The following DIAPH2 variants were observed in gnomAD, a reference collection of about 807,000 sequenced individuals.
DIAPH2 encodes the protein diaphanous related formin 2, also known as protein diaphanous homolog 2.
DIAPH2 carries 35 observed loss-of-function variants against 92.7 expected under a neutral mutation model. The ratio of observed to expected loss-of-function variants is 0.38; its 90% CI spans 0.29 to 0.50. The LOEUF is 0.50. Ranked by LOEUF, DIAPH2 falls within the 20% of genes least tolerant of loss-of-function variation. The pLI is 0.94. For missense variants in DIAPH2, 701 were observed against 819.5 expected (o/e 0.86, Z 1.77); for synonymous variants, 301 against 280.4 (o/e 1.07, Z -0.73).
chrX:97,048,344 A>G lies in DIAPH2; in HGVS notation c.2051-24597A>G, dbSNP rs149535901. Among the ~76,000 whole-genome samples the G allele has an allele frequency of 9.0e-5, 10 of 111,021 alleles. No homozygotes were observed. In the East Asian group the frequency reaches 2.8e-3, roughly 32 times the overall value. ...TGACATCAACAATTTGAGAAATATA[A>G]ATCTCCTTTTTAGAAACATAGCATT... On this transcript the variant is annotated intron_variant, in intron 17 of 26. Coordinates refer to ENST00000324765, the MANE Select transcript of DIAPH2 (RefSeq NM_006729.5).
At chrX:96,992,953 C>A (rs947881592) in intron 17 of DIAPH2, among the ~76,000 whole-genome samples, 1 of 112,451 alleles carries the variant, frequency 8.9e-6, no homozygotes, top group Admixed American at 9.4e-5. Context: ...TGGTGGGATA[C>A]AAACAAGTTA....
chrX:97,207,109 C>G (rs945559135), intron 22 of DIAPH2, among the ~76,000 whole-genome samples: 1 of 111,415 alleles, frequency 9.0e-6, no homozygotes, highest in African/African-American at 3.3e-5. Context: ...TCTTTCTAAT[C>G]AATCCTTTGT....
At chrX:97,357,656 A>G (rs2069280724) in intron 24 of DIAPH2, among the ~76,000 whole-genome samples, 1 of 111,826 alleles carries the variant, frequency 8.9e-6, no homozygotes, top group African/African-American at 3.2e-5. Context: ...TGTGGGTCAA[A>G]CACAGTGCTG....
Position 97,390,711 on chromosome X carries a change from A to G in DIAPH2, c.3145+6667A>G, listed in dbSNP as rs757028170. Among the ~76,000 whole-genome samples, 15 of 109,832 alleles carry G rather than the reference A, an allele frequency of 1.4e-4. No individual in the cohort carries two copies. In the South Asian group the frequency reaches 5.8e-3, roughly 42 times the overall value. ...CCACGCCCGGCCTTGGCCTATTTTC[A>G]TTTCTTTCTCTCCTTTCTTCCCTGA... is the stretch of plus-strand genomic sequence containing the variant. On this transcript the variant is annotated intron_variant, in intron 25 of 26. Coordinates refer to ENST00000324765, the MANE Select transcript of DIAPH2 (RefSeq NM_006729.5).
chrX:96,773,293 T>C (rs1396425023), intron 4 of DIAPH2, among the ~76,000 whole-genome samples: 1 of 75,924 alleles, frequency 1.3e-5, no homozygotes, highest in African/African-American at 5.5e-5. Flanking sequence ...CATATCAGAA[T>C]GTGACTGTGT....
intron 3 of DIAPH2, among the ~76,000 whole-genome samples, chrX:96,756,066 A>G (rs1026414693): frequency 1.8e-5 from 2 of 111,334 alleles, no homozygotes; most frequent in Admixed American, 1.9e-4. Context: ...AGGTCTTGCT[A>G]TGTTGCCCAG....
chrX:97,335,064 C>G (rs1447454618), intron 23 of DIAPH2, among the ~76,000 whole-genome samples: 1 of 91,753 alleles, frequency 1.1e-5, no homozygotes, highest in Non-Finnish European at 2.2e-5. Context: ...ACAGTTTTGT[C>G]TGAATCCACC....
intron 4 of DIAPH2, among the ~76,000 whole-genome samples, chrX:96,865,416 A>G (rs1237541827): frequency 8.9e-6 from 1 of 112,252 alleles, no homozygotes; most frequent in African/African-American, 3.2e-5. Context: ...GATGGGAAGG[A>G]GACAACCATG....
chrX:96,899,635 A>G (rs1602611429), intron 5 of DIAPH2, among the ~76,000 whole-genome samples: 1 of 111,083 alleles, frequency 9.0e-6, no homozygotes, highest in South Asian at 3.9e-4. Context: ...GGGCTGAGAC[A>G]ATGGGGTTTT....
At chrX:96,893,094 G>C (rs1427294260) in intron 5 of DIAPH2, among the ~76,000 whole-genome samples, 1 of 111,459 alleles carries the variant, frequency 9.0e-6, no homozygotes, top group Non-Finnish European at 1.9e-5. Flanking sequence ...TAAAGGTCTT[G>C]GGCACATACT....
intron 22 of DIAPH2, among the ~76,000 whole-genome samples, chrX:97,236,004 G>A (rs943138954): frequency 9.0e-6 from 1 of 111,509 alleles, no homozygotes; most frequent in Non-Finnish European, 1.9e-5. Flanking sequence ...ACAACCATAG[G>A]CTTACTATAT....
chrX:97,498,221 C>T (rs2070773060), intron 26 of DIAPH2, among the ~76,000 whole-genome samples: 1 of 111,999 alleles, frequency 8.9e-6, no homozygotes, highest in South Asian at 3.7e-4. Context: ...TCTTTTATTT[C>T]CTTAACAATG....
chrX:96,794,653 A>T (rs2064525743), intron 4 of DIAPH2, among the ~76,000 whole-genome samples: 1 of 112,062 alleles, frequency 8.9e-6, no homozygotes, highest in African/African-American at 3.2e-5. Flanking sequence ...CTGTGATATA[A>T]CAAATCTCAT....
In DIAPH2 at chrX:97,182,263, G is replaced by A. The variant is rs748040995; in HGVS notation, c.2719+40469G>A. Among the ~76,000 whole-genome samples, 4 of 111,921 alleles carry A rather than the reference G, an allele frequency of 3.6e-5. No homozygotes were observed. In the South Asian group the frequency reaches 1.5e-3, roughly 42 times the overall value. ...AAGAAAGTACAGAGTAAAGTACAGA[G>A]TAAATTTGAGGAGCAATAAGTAGTC... On this transcript the variant is annotated intron_variant, in intron 22 of 26. Transcript: ENST00000324765.
chrX:97,095,252 G>A (rs961126354), intron 19 of DIAPH2, among the ~76,000 whole-genome samples: 22 of 104,109 alleles, frequency 2.1e-4, no homozygotes, highest in African/African-American at 5.6e-4. Flanking sequence ...GATTAGCTGG[G>A]ACTACAGGTG....
intron 19 of DIAPH2, among the ~76,000 whole-genome samples, chrX:97,075,935 C>T (rs1226670385): frequency 8.9e-6 from 1 of 112,009 alleles, no homozygotes; most frequent in Non-Finnish European, 1.9e-5. Context: ...GACTCTAAAG[C>T]TGTTATATTA....
chrX:97,063,367 G>C (rs998150059), intron 17 of DIAPH2, among the ~76,000 whole-genome samples: 12 of 111,969 alleles, frequency 1.1e-4, no homozygotes, highest in Non-Finnish European at 2.1e-4. Context: ...TACAGAACTT[G>C]CTCTTCATTT....
chrX:97,603,158 T>TAA lies in DIAPH2; in HGVS notation c.*3842_*3843insAA, dbSNP rs1556278496. On this transcript the variant is annotated 3_prime_UTR_variant, in exon 27 of 27. Coordinates refer to ENST00000324765, the MANE Select transcript of DIAPH2 (RefSeq NM_006729.5). ...TAATTTTAGCATCTTTTTTTTTTTT[T>TAA]ACAATCATTCAGATTGTGAATTCAG... The TAA allele has an allele frequency of 9.5e-6, 1 of 105,817 alleles. No homozygotes were observed. The highest frequency in any genetic ancestry group is 4.3e-4 in the South Asian group (1 of 2,343). 8.7% of individuals were successfully genotyped at this position (105,817 alleles called of 1,213,427 possible).
At position 97,201,131 on chromosome X, in the gene DIAPH2, A is replaced by ACCCC. The variant is rs58996513; in HGVS notation, c.2720-46577_2720-46574dup. Among the ~76,000 whole-genome samples, 211 of 68,890 alleles carry ACCCC rather than the reference A, an allele frequency of 3.1e-3. 3 individuals carry two copies. The highest frequency in any genetic ancestry group is 0.011 in the African/African-American group (184 of 17,070). 59.8% of individuals were successfully genotyped at this position (68,890 alleles called of 115,157 possible). A position where few individuals can be genotyped will look rare whatever the true frequency, so the allele number is the denominator to read the frequency against. On this transcript the variant is annotated intron_variant, in intron 22 of 26. Coordinates refer to ENST00000324765, the MANE Select transcript of DIAPH2 (RefSeq NM_006729.5). Reference sequence around the variant, plus strand: ...AGCAACAACAGCATCAACAAGAAAGACCCCCCCCCCAAAAAAAACCCCATC... The same window carrying ACCCC: ...AGCAACAACAGCATCAACAAGAAAGACCCCCCCCCCCCCCAAAAAAAACCCCATC...
Sources: gnomAD v4.1 joint callset for allele counts (sites outside exome capture counted in the v4.1 genomes callset) on GRCh38, gnomAD v4.1.1 for gene constraint, MANE v1.5 for transcripts, NCBI Gene and HGNC (gene_info 2026-07-23, HGNC 2026-07-21) for gene names.